Variants in GLRA3 observed in about 807,000 individuals in gnomAD.
The protein encoded by GLRA3 is glycine receptor subunit alpha-3.
In GLRA3, 44 loss-of-function variants were observed where a neutral mutation model predicts 60.4. The ratio of observed to expected loss-of-function variants is 0.73; its 90% CI spans 0.57 to 0.94. The LOEUF is 0.94. GLRA3 is among the 40% of genes least tolerant of loss of function. GLRA3 has a pLI of 0.00. For missense variants in GLRA3, 508 were observed against 564.6 expected (o/e 0.90, Z 1.02); for synonymous variants, 223 against 192.9 (o/e 1.16, Z -1.29).
chr4:174,746,059 A>G (rs1379174388), intron 3 of GLRA3, among the ~76,000 whole-genome samples: 1 of 152,186 alleles, frequency 6.6e-6, no homozygotes, highest in African/African-American at 2.4e-5. Flanking sequence ...GTAAATTAGT[A>G]CAACCACTAT....
Position 174,766,945 on chromosome 4 carries a change from G to A in GLRA3, c.267+18C>T. 7.0e-7 allele frequency: 1 copy of A among 1,424,916 alleles called. No individual in the cohort carries two copies. 88.3% of individuals were successfully genotyped at this position (1,424,916 alleles called of 1,614,324 possible). A position where few individuals can be genotyped will look rare whatever the true frequency, so the allele number is the denominator to read the frequency against. On this transcript the variant is annotated intron_variant, in intron 3 of 9. Transcript: ENST00000274093. ...AGATTACTCTAGTGTGAAACTTGTT[G>A]CAAAGTAAAATGCCTACCATGGTCG...
intron 1 of GLRA3, among the ~76,000 whole-genome samples, chr4:174,799,827 C>T (rs888963309): frequency 7.2e-5 from 11 of 151,970 alleles, no homozygotes; most frequent in Non-Finnish European, 2.9e-5. Context: ...ATATGTACAA[C>T]ACCTGGGATG....
intron 5 of GLRA3, among the ~76,000 whole-genome samples, chr4:174,691,243 T>G (rs1734781469): frequency 2.0e-5 from 3 of 152,232 alleles, no homozygotes. Flanking sequence ...TTTTGACTAG[T>G]GTAAGATGGT....
chr4:174,674,197 T>G (rs527319874), intron 7 of GLRA3, among the ~76,000 whole-genome samples: 2 of 152,144 alleles, frequency 1.3e-5, no homozygotes, highest in South Asian at 4.2e-4. Flanking sequence ...GCACCCAAAT[T>G]AAACCCAATC....
At chr4:174,719,931 A>G (rs1470486446) in intron 4 of GLRA3, among the ~76,000 whole-genome samples, 1 of 152,128 alleles carries the variant, frequency 6.6e-6, no homozygotes. Context: ...TTTAAAAATT[A>G]ATGGCTATCA....
rs778981305 is a variant in GLRA3 at position 174,766,003 on chromosome 4, ACACT to A, written c.267+956_267+959del. On this transcript the variant is annotated intron_variant, in intron 3 of 9. Transcript: ENST00000274093. Reference sequence around the variant, plus strand: ...TTCCTGTTGAGATAGATTCCAACACACACTCACACACACCTCTACACACACTTAC... The same window carrying A: ...TTCCTGTTGAGATAGATTCCAACACACACACACACCTCTACACACACTTAC... Among the ~76,000 whole-genome samples, 131 of 151,746 alleles carry A rather than the reference ACACT, an allele frequency of 8.6e-4. No homozygotes were observed. The Middle Eastern group carries it at 0.02, about 24-fold the overall frequency.
chr4:174,696,904 AAGG>A (rs1181210399), intron 5 of GLRA3, among the ~76,000 whole-genome samples: 1 of 152,138 alleles, frequency 6.6e-6, no homozygotes, highest in Non-Finnish European at 1.5e-5. Context: ...TAAGGCTAGA[AAGG>A]AGGATTATGA....
intron 4 of GLRA3, among the ~76,000 whole-genome samples, chr4:174,726,509 G>T (rs1469555998): frequency 1.3e-5 from 2 of 152,284 alleles, no homozygotes; most frequent in African/African-American, 4.8e-5. Context: ...AACCTCTAGG[G>T]AATATTAGAT....
At position 174,728,479 on chromosome 4, in the gene GLRA3, T is replaced by C. The variant is rs1182271566; in HGVS notation, c.487A>G (p.Ile163Val). The change falls in exon 4 of 10, where the codon ATA (isoleucine) becomes GTA (valine). Residue 163 changes from isoleucine (I) to valine (V), a missense_variant. By Grantham distance (29) the Ile-to-Val change is conservative (BLOSUM62 3). Coordinates refer to ENST00000274093, the MANE Select transcript of GLRA3 (RefSeq NM_006529.4). ...CAATTTAAGTCCACGACTCACCTTA[T>C]TGAATAAAGAACATTTCCATTTTTG... Reference protein sequence around the residue: ...IFKNGNVLYSIRLTLTLSCPM... With the variant: ...IFKNGNVLYSVRLTLTLSCPM... The C allele has an allele frequency of 6.5e-7, 1 of 1,540,844 alleles. No homozygotes were observed. Among genetic ancestry groups the C allele is most frequent in the Non-Finnish European group, 9.0e-7 (1 of 1,114,206 alleles).
At chr4:174,781,666 A>G (rs1377746406) in intron 2 of GLRA3, among the ~76,000 whole-genome samples, 1 of 150,918 alleles carries the variant, frequency 6.6e-6, no homozygotes, top group Non-Finnish European at 1.5e-5. Flanking sequence ...ACAAACTACC[A>G]TCAGAGAATA....
chr4:174,702,759 G>C (rs1257779356), intron 5 of GLRA3, among the ~76,000 whole-genome samples: 1 of 152,042 alleles, frequency 6.6e-6, no homozygotes, highest in African/African-American at 2.4e-5. Context: ...GTAGATACAT[G>C]GTCTCACTAT....
chr4:174,712,146 T>C (rs1398638832), intron 5 of GLRA3, among the ~76,000 whole-genome samples: 1 of 152,144 alleles, frequency 6.6e-6, no homozygotes, highest in Non-Finnish European at 1.5e-5. Flanking sequence ...TCATCCATGG[T>C]TTCAATTATA....
chr4:174,778,901 C>G (rs1298901532), intron 2 of GLRA3, among the ~76,000 whole-genome samples: 2 of 152,190 alleles, frequency 1.3e-5, no homozygotes, highest in African/African-American at 2.4e-5. Flanking sequence ...GGGAGGGGCG[C>G]CCGCCATTGC....
chr4:174,716,347 A>T (rs949454031), intron 4 of GLRA3, among the ~76,000 whole-genome samples: 2 of 152,174 alleles, frequency 1.3e-5, no homozygotes, highest in African/African-American at 4.8e-5. Context: ...TATTCCGCTC[A>T]TTGGAAAGGC....
Position 174,715,542 on chromosome 4 carries a change from C to G in GLRA3, c.520G>C (p.Asp174His). ...ACATCCATGGGAAAATTCTTGAGAT[C>G]CATTGGACAGGAAAGTGTTAATGTT... ...RLTLTLSCPMDLKNFPMDVQT... is the reference protein window; with the variant it reads ...RLTLTLSCPMHLKNFPMDVQT... Residue 174 changes from aspartate to histidine, a missense_variant, in exon 5 of 10, where the codon GAT becomes CAT. By Grantham distance (81) the Asp-to-His change is moderately conservative. Around this residue, in one of 3 missense-constraint regions of GLRA3, gnomAD observed 329 missense variants for 349.3 expected, o/e 0.94. Transcript: ENST00000274093. The G allele has an allele frequency of 6.5e-7, 1 of 1,546,694 alleles. No individual in the cohort carries two copies. The highest frequency in any genetic ancestry group is 2.3e-5 in the East Asian group (1 of 44,342).
chr4:174,789,192 G>C (rs1432360119), intron 1 of GLRA3, among the ~76,000 whole-genome samples: 1 of 152,066 alleles, frequency 6.6e-6, no homozygotes, highest in Non-Finnish European at 1.5e-5. Context: ...TGAAAACAAA[G>C]GCCACTTCCA....
rs1160565848 is a variant in GLRA3, at chr4:174,659,181, G to C, written c.944C>G (p.Ala315Gly). The C allele has an allele frequency of 1.9e-6, 3 of 1,611,316 alleles. No individual in the cohort carries two copies. The highest frequency in any genetic ancestry group is 2.5e-6 in the Non-Finnish European group (3 of 1,178,602). The change falls in exon 8 of 10, where the codon GCT (alanine) becomes GGT (glycine). Residue 315 changes from alanine (A) to glycine (G), a missense_variant. Ala to Gly is a moderately conservative substitution (Grantham distance 60). Around this residue, in one of 3 missense-constraint regions of GLRA3, gnomAD observed 176 missense variants for 197.9 expected, o/e 0.89. Coordinates refer to ENST00000274093, the MANE Select transcript of GLRA3 (RefSeq NM_006529.4). ...GCATACTGCCATCCAAATATCAATA[G>C]CTTTGACATATGAAACCTAGCCAAG... ...ASLPKVSYVK[A>G]IDIWMAVCLL...
intron 7 of GLRA3, among the ~76,000 whole-genome samples, chr4:174,663,852 C>T (rs1733555703): frequency 6.6e-6 from 1 of 152,150 alleles, no homozygotes; most frequent in African/African-American, 2.4e-5. Flanking sequence ...CCCTTTTGGG[C>T]AGTATCATTC....
intron 1 of GLRA3, among the ~76,000 whole-genome samples, chr4:174,810,061 T>G (rs1174465396): frequency 6.6e-6 from 1 of 152,194 alleles, no homozygotes; most frequent in Non-Finnish European, 1.5e-5. Context: ...TGTCGAGCAC[T>G]GTCTGAGGAC....
Sources: gnomAD v4.1 joint callset for allele counts (sites outside exome capture counted in the v4.1 genomes callset) on GRCh38, gnomAD v4.1.1 for gene constraint, gnomAD v4.1.1 regional missense constraint, MANE v1.5 for transcripts, NCBI Gene and HGNC (gene_info 2026-07-23, HGNC 2026-07-21) for gene names.